The following DLG2 variants were observed in gnomAD, a reference collection of about 807,000 sequenced individuals.
The protein encoded by DLG2 is discs large MAGUK scaffold protein 2, also known as disks large homolog 2.
In DLG2, 45 loss-of-function variants were observed where a neutral mutation model predicts 132.5. That is an observed-to-expected ratio of 0.34 (90% CI 0.27 to 0.44). The LOEUF (loss-of-function observed/expected upper bound fraction) is 0.44. Ranked by LOEUF, DLG2 falls within the 20% of genes least tolerant of loss-of-function variation. DLG2 has a pLI of 1.00. For missense variants in DLG2, 1,045 were observed against 1,196.9 expected (o/e 0.87, Z 1.87); for synonymous variants, 424 against 419.6 (o/e 1.01, Z -0.13).
At chr11:85,046,695 A>C (rs1358133421) in intron 6 of DLG2, among the ~76,000 whole-genome samples, 2 of 151,818 alleles carry the variant, frequency 1.3e-5, no homozygotes, top group Non-Finnish European at 2.9e-5. Context: ...AATGACCCTT[A>C]TTTTTCACAA....
At chr11:84,325,053 G>A (rs551638660) in intron 7 of DLG2, among the ~76,000 whole-genome samples, 4 of 152,012 alleles carry the variant, frequency 2.6e-5, no homozygotes, top group Non-Finnish European at 4.4e-5. Flanking sequence ...CCAGTACTAT[G>A]TTGAGTAGAA....
intron 18 of DLG2, among the ~76,000 whole-genome samples, chr11:83,651,297 T>C (rs1366322644): frequency 6.6e-6 from 1 of 152,034 alleles, no homozygotes; most frequent in Non-Finnish European, 1.5e-5. Flanking sequence ...CAGGGGCAAA[T>C]TACTTAACAT....
chr11:85,520,611 A>G (rs2074232067), intron 3 of DLG2, among the ~76,000 whole-genome samples: 1 of 152,080 alleles, frequency 6.6e-6, no homozygotes, highest in Non-Finnish European at 1.5e-5. Flanking sequence ...ACTTCAAGGT[A>G]TACCACAGAG....
At chr11:83,702,009 G>A (rs961609263) in intron 18 of DLG2, among the ~76,000 whole-genome samples, 1 of 152,218 alleles carries the variant, frequency 6.6e-6, no homozygotes, top group Non-Finnish European at 1.5e-5. Flanking sequence ...TATTATAGTA[G>A]AAAGATAATT....
At chr11:84,031,467 A>T (rs779268967) in intron 11 of DLG2, among the ~76,000 whole-genome samples, 2 of 152,162 alleles carry the variant, frequency 1.3e-5, no homozygotes, top group Non-Finnish European at 2.9e-5. Flanking sequence ...CTGAGATTGT[A>T]TCAAAAGGAG....
chr11:84,182,886 T>A (rs1024941214), intron 8 of DLG2, among the ~76,000 whole-genome samples: 1 of 152,060 alleles, frequency 6.6e-6, no homozygotes, highest in Non-Finnish European at 1.5e-5. Flanking sequence ...AAATTGCTAA[T>A]ATTAGAAAAG....
chr11:84,021,992 C>T (rs959914265), intron 11 of DLG2, among the ~76,000 whole-genome samples: 10 of 152,124 alleles, frequency 6.6e-5, no homozygotes, highest in Non-Finnish European at 1.3e-4. Flanking sequence ...GATGATCTGC[C>T]CGCCTCGGCT....
chr11:84,628,191 A>G (rs972434006), intron 6 of DLG2, among the ~76,000 whole-genome samples: 2 of 152,114 alleles, frequency 1.3e-5, no homozygotes, highest in Non-Finnish European at 1.5e-5. Flanking sequence ...TAGCACCTGT[A>G]AAACACTTAA....
At chr11:84,276,432 T>C (rs1357779792) in intron 7 of DLG2, among the ~76,000 whole-genome samples, 1 of 152,200 alleles carries the variant, frequency 6.6e-6, no homozygotes, top group Non-Finnish European at 1.5e-5. Context: ...TTTAACTTAG[T>C]TCAATTTGAC....
intron 18 of DLG2, among the ~76,000 whole-genome samples, chr11:83,762,434 C>T (rs1052255684): frequency 3.3e-5 from 5 of 152,176 alleles, no homozygotes; most frequent in African/African-American, 1.2e-4. Flanking sequence ...CTAGCATCAC[C>T]TCACATTTTG....
At chr11:84,970,734 C>A (rs1264677443) in intron 6 of DLG2, among the ~76,000 whole-genome samples, 1 of 152,200 alleles carries the variant, frequency 6.6e-6, no homozygotes, top group Non-Finnish European at 1.5e-5. Context: ...CATTGAGAAA[C>A]ACCTAATGGC....
chr11:85,268,719 C>A (rs1398254290), intron 4 of DLG2, among the ~76,000 whole-genome samples: 1 of 152,200 alleles, frequency 6.6e-6, no homozygotes, highest in Non-Finnish European at 1.5e-5. Context: ...AAATACTTCA[C>A]TGTCGTCCTA....
intron 3 of DLG2, among the ~76,000 whole-genome samples, chr11:85,525,908 T>A (rs1381990912): frequency 1.3e-5 from 2 of 152,170 alleles, no homozygotes; most frequent in Non-Finnish European, 2.9e-5. Context: ...AGGATCCGCC[T>A]TTAGTCTTTA....
intron 6 of DLG2, among the ~76,000 whole-genome samples, chr11:84,560,285 G>A (rs1031260180): frequency 6.6e-6 from 1 of 152,036 alleles, no homozygotes; most frequent in Non-Finnish European, 1.5e-5. Flanking sequence ...AATACCTACA[G>A]TGTGCTAGGC....
chr11:84,442,872 T>TA lies in DLG2; in HGVS notation c.519+91697dup, dbSNP rs565332264. Among the ~76,000 whole-genome samples the TA allele has an allele frequency of 3.7e-3, 564 of 152,272 alleles. 1 individual carries two copies. The highest frequency in any genetic ancestry group is 0.012 in the African/African-American group (518 of 41,548). ...TGCAATAATTAGTGCTAATGTATAT[T>TA]AAAAAGCAAAGCAAAGGAATAGCTA... is the stretch of plus-strand genomic sequence containing the variant. On this transcript the variant is annotated intron_variant, in intron 7 of 27. Coordinates refer to ENST00000376104, the MANE Select transcript of DLG2 (RefSeq NM_001142699.3).
intron 6 of DLG2, among the ~76,000 whole-genome samples, chr11:84,946,093 C>A (rs549680558): frequency 6.6e-6 from 1 of 152,222 alleles, no homozygotes; most frequent in Admixed American, 6.5e-5. Flanking sequence ...CAGCCCTGTG[C>A]CTCTCCGTTA....
Position 83,711,282 on chromosome 11 carries a change from C to T in DLG2, c.1825+75408G>A, listed in dbSNP as rs116321892. Among the ~76,000 whole-genome samples, 856 of 152,280 alleles carry T rather than the reference C, an allele frequency of 5.6e-3. 7 individuals are homozygous for T. The highest frequency in any genetic ancestry group is 0.019 in the African/African-American group (795 of 41,554). ...GGATAGGGTGTATAGATGCTATGAC[C>T]ACTCTGCTCAGTAGAGGCACTACAC... On this transcript the variant is annotated intron_variant, in intron 18 of 27. Coordinates refer to ENST00000376104, the MANE Select transcript of DLG2 (RefSeq NM_001142699.3).
chr11:83,847,739 CG>C (rs1260306564), intron 16 of DLG2, among the ~76,000 whole-genome samples: 2 of 152,122 alleles, frequency 1.3e-5, no homozygotes, highest in Non-Finnish European at 2.9e-5. Flanking sequence ...AGAAGTGGGG[CG>C]TTCCCATTTC....
chr11:83,865,566 GA>G (rs1198771484), intron 16 of DLG2, among the ~76,000 whole-genome samples: 4 of 152,060 alleles, frequency 2.6e-5, no homozygotes, highest in East Asian at 1.9e-4. Flanking sequence ...GGGAAAGGGA[GA>G]AAATACAGAA....
Sources: gnomAD v4.1 joint callset for allele counts (sites outside exome capture counted in the v4.1 genomes callset) on GRCh38, gnomAD v4.1.1 for gene constraint, MANE v1.5 for transcripts, NCBI Gene and HGNC (gene_info 2026-07-23, HGNC 2026-07-21) for gene names.